CACNA2D1: variants seen among roughly 807,000 people sequenced by gnomAD.
CACNA2D1 encodes voltage-dependent calcium channel subunit alpha-2/delta-1.
CACNA2D1 carries 53 observed loss-of-function variants against 171.5 expected under a neutral mutation model. The ratio of observed to expected loss-of-function variants is 0.31; its 90% CI spans 0.25 to 0.39. The LOEUF (loss-of-function observed/expected upper bound fraction) is 0.39. Among genes scored for constraint, CACNA2D1 ranks in the 10% least tolerant of loss-of-function variants. The pLI is 1.00. For synonymous variants in CACNA2D1, 442 were observed against 443.1 expected, an observed-to-expected ratio of 1.00 and a Z score of 0.03; for missense variants, 903 against 1,299.8, an observed-to-expected ratio of 0.69 and a Z score of 4.69.
In CACNA2D1 at chr7:82,009,079, T is replaced by C. The variant is rs188850850; in HGVS notation, c.1363-1323A>G. The stretch of plus-strand genomic sequence containing the variant: ...TGTTGTGGGAGAGATCCAGAGGTAA[T>C]TGAACCATGGTACGGTTTCCCCCAT... On this transcript the variant is annotated intron_variant, in intron 15 of 38. Coordinates refer to ENST00000356860, the MANE Select transcript of CACNA2D1 (RefSeq NM_000722.4). 84 of 152,268 alleles carry C rather than the reference T, an allele frequency of 5.5e-4. 1 individual carries two copies. Among genetic ancestry groups the C allele is most frequent in the Non-Finnish European group, 3.5e-4 (24 of 68,008 alleles). 9.4% of individuals were successfully genotyped at this position (152,268 alleles called of 1,614,324 possible).
intron 3 of CACNA2D1, among the ~76,000 whole-genome samples, chr7:82,283,285 T>C (rs977741196): frequency 2.0e-5 from 3 of 152,208 alleles, no homozygotes; most frequent in Non-Finnish European, 4.4e-5. Flanking sequence ...CAAAGCTGTC[T>C]TCCACAAAGT....
chr7:82,401,741 A>G (rs1826451026), intron 1 of CACNA2D1, among the ~76,000 whole-genome samples: 1 of 152,102 alleles, frequency 6.6e-6, no homozygotes, highest in Non-Finnish European at 1.5e-5. Flanking sequence ...AAAGATAAAT[A>G]AGACATTCAT....
At chr7:82,268,573 C>T (rs2129345295) in intron 3 of CACNA2D1, among the ~76,000 whole-genome samples, 1 of 151,676 alleles carries the variant, frequency 6.6e-6, no homozygotes, top group African/African-American at 2.4e-5. Context: ...AATATCAAAA[C>T]AGAAGAGTTA....
chr7:82,137,707 TAAAAAAAAAA>T (rs1174278503), intron 4 of CACNA2D1, among the ~76,000 whole-genome samples: 14,967 of 79,060 alleles, frequency 0.19, 1,478 homozygotes, highest in Middle Eastern at 0.36. Context: ...CCGTCTCTAC[TAAAAAAAAAA>T]AAAAAAAAAA....
intron 3 of CACNA2D1, among the ~76,000 whole-genome samples, chr7:82,291,495 TTTATATATAGATAGATC>T (rs1186135566): frequency 1.1e-4 from 15 of 136,700 alleles, no homozygotes; most frequent in Admixed American, 4.7e-4. Context: ...TATATATATT[TTTATATATAGATAGATC>T]TATATATAGA....
chr7:81,968,788 CT>C, intron 29 of CACNA2D1, 98 bp downstream of exon 29: 1 of 752,952 alleles, frequency 1.3e-6, no homozygotes. Context: ...TGTTTGACAC[CT>C]TTTGATGACC....
chr7:82,154,008 G>C (rs1317608216), intron 4 of CACNA2D1, among the ~76,000 whole-genome samples: 1 of 152,158 alleles, frequency 6.6e-6, no homozygotes, highest in Non-Finnish European at 1.5e-5. Context: ...CAGACTGGGA[G>C]AAAAGGAAAT....
At chr7:82,363,511 A>G (rs1201139930) in intron 1 of CACNA2D1, among the ~76,000 whole-genome samples, 1 of 151,708 alleles carries the variant, frequency 6.6e-6, no homozygotes, top group Non-Finnish European at 1.5e-5. Flanking sequence ...TTGATCCACC[A>G]GCCTCGGCCT....
intron 1 of CACNA2D1, among the ~76,000 whole-genome samples, chr7:82,420,990 A>C (rs1416263193): frequency 6.6e-6 from 1 of 152,132 alleles, no homozygotes; most frequent in Non-Finnish European, 1.5e-5. Context: ...AATCTAACAC[A>C]CGGGTATTCA....
chr7:82,121,396 G>A (rs1789716970), intron 5 of CACNA2D1, among the ~76,000 whole-genome samples: 1 of 152,118 alleles, frequency 6.6e-6, no homozygotes, highest in Non-Finnish European at 1.5e-5. Context: ...GGATCAATGA[G>A]AATGAAGACT....
rs143825032 is a variant in CACNA2D1 at position 82,341,253 on chromosome 7, T to C, written c.178-6002A>G. On this transcript the variant is annotated intron_variant, in intron 2 of 38. Transcript: ENST00000356860. ...CAAATACTAATGTAGTATTTTTCTATATCATTAAGTCTCTTTTTTCTTTAT... is the reference window on the plus strand; with the variant it reads ...CAAATACTAATGTAGTATTTTTCTACATCATTAAGTCTCTTTTTTCTTTAT... Among the ~76,000 whole-genome samples, 194 of 152,310 alleles carry C rather than the reference T, an allele frequency of 1.3e-3. 3 individuals carry two copies. In the East Asian group the frequency reaches 0.018, roughly 14 times the overall value.
At chr7:82,032,137 C>T (rs1169318195) in intron 12 of CACNA2D1, among the ~76,000 whole-genome samples, 1 of 151,930 alleles carries the variant, frequency 6.6e-6, no homozygotes, top group Non-Finnish European at 1.5e-5. Flanking sequence ...TCCACAGTAT[C>T]AGGTTCAATG....
intron 3 of CACNA2D1, among the ~76,000 whole-genome samples, chr7:82,198,293 A>G (rs1799056688): frequency 6.6e-6 from 1 of 152,084 alleles, no homozygotes; most frequent in East Asian, 1.9e-4. Flanking sequence ...CTGGAGCACA[A>G]AGTACTATGC....
At chr7:82,074,795 G>A (rs983951640) in intron 7 of CACNA2D1, among the ~76,000 whole-genome samples, 6 of 151,842 alleles carry the variant, frequency 4.0e-5, no homozygotes, top group Admixed American at 1.3e-4. Flanking sequence ...AGTGAGTCTC[G>A]GTATTTAGGA....
intron 7 of CACNA2D1, among the ~76,000 whole-genome samples, chr7:82,070,285 A>T (rs1808170198): frequency 6.6e-6 from 1 of 152,210 alleles, no homozygotes; most frequent in African/African-American, 2.4e-5. Context: ...TCAGATTTTG[A>T]GTTATCTGCT....
In CACNA2D1 at chr7:82,280,104, A is replaced by AAAG. The variant is rs3839793; in HGVS notation, c.294+55028_294+55030dup. Among the ~76,000 whole-genome samples, 829 of 152,324 alleles carry AAAG rather than the reference A, an allele frequency of 5.4e-3. 17 individuals are homozygous for AAAG. In the East Asian group the frequency reaches 0.089, roughly 16 times the overall value. On this transcript the variant is annotated intron_variant, in intron 3 of 38. Coordinates refer to ENST00000356860, the MANE Select transcript of CACNA2D1 (RefSeq NM_000722.4). ...ATTTAAAGTAAATCTTGTGAATCAA[A>AAAG]AAGAAGGACTAAAAATATATTAATT... is the stretch of plus-strand genomic sequence containing the variant.
intron 1 of CACNA2D1, among the ~76,000 whole-genome samples, chr7:82,409,609 CTTT>C (rs1240949913): frequency 1.3e-5 from 2 of 152,138 alleles, no homozygotes; most frequent in African/African-American, 4.8e-5. Flanking sequence ...GCGCTGGTAA[CTTT>C]TTTAAATTCC....
At chr7:82,100,267 T>A (rs942152701) in intron 6 of CACNA2D1, among the ~76,000 whole-genome samples, 25 of 152,160 alleles carry the variant, frequency 1.6e-4, no homozygotes, top group Non-Finnish European at 2.9e-5. Flanking sequence ...TGCAAATTTA[T>A]TTTCTTGATT....
At chr7:82,144,670 A>G (rs145171942) in intron 4 of CACNA2D1, among the ~76,000 whole-genome samples, 416 of 152,140 alleles carry the variant, frequency 2.7e-3, no homozygotes, top group African/African-American at 8.7e-3. Flanking sequence ...CTAATGAACT[A>G]AAGGTCAAAA....
Sources: allele counts gnomAD v4.1 joint callset (sites outside exome capture counted in the v4.1 genomes callset), GRCh38; gene constraint gnomAD v4.1.1; transcripts MANE v1.5; gene names NCBI Gene and HGNC (gene_info 2026-07-23, HGNC 2026-07-21).